The following RANBP2 variants were observed in gnomAD, a reference collection of about 807,000 sequenced individuals.
The protein encoded by RANBP2 is E3 SUMO-protein ligase RanBP2.
In RANBP2, 57 loss-of-function variants were observed where a neutral mutation model predicts 303.6. That is an observed-to-expected ratio of 0.19 (90% CI 0.15 to 0.23). RANBP2 has a LOEUF of 0.23. RANBP2 is among the 10% of genes least tolerant of loss of function. The pLI is 1.00. For synonymous variants in RANBP2, 1,167 were observed against 1,301.5 expected (o/e 0.90, Z 2.23); for missense variants, 3,138 against 3,780.8 (o/e 0.83, Z 4.46).
the RANBP2 span, among the ~76,000 whole-genome samples, chr2:108,806,853 A>G: frequency 1.3e-5 from 2 of 152,230 alleles, no homozygotes; most frequent in African/African-American, 2.4e-5. Context: ...CTGAGGAGGC[A>G]AGGATTAATG....
intron 15 of RANBP2, 132 bp from the exon 16 acceptor site, chr2:108,754,773 T>G: frequency 3.8e-6 from 4 of 1,047,048 alleles, no homozygotes; most frequent in Non-Finnish European, 5.2e-6. Flanking sequence ...CACTTTCACG[T>G]GTATTATTTA....
chr2:108,776,010 C>G, intron 24 of RANBP2, 74 bp downstream of exon 24: 1 of 1,356,752 alleles, frequency 7.4e-7, no homozygotes, highest in Non-Finnish European at 1.0e-6. Flanking sequence ...CTTTTAAAGG[C>G]TGATCCTGAA....
the RANBP2 span, among the ~76,000 whole-genome samples, chr2:109,400,739 C>A: frequency 6.6e-6 from 1 of 152,184 alleles, no homozygotes. Context: ...CTCTCATCGG[C>A]GGCTGAGGCT....
the RANBP2 span, among the ~76,000 whole-genome samples, chr2:109,725,061 C>G: frequency 6.6e-6 from 1 of 152,200 alleles, no homozygotes; most frequent in African/African-American, 2.4e-5. Context: ...CCCTCTGTAA[C>G]TACTTGCTGA....
chr2:109,178,990 A>G, the RANBP2 span, among the ~76,000 whole-genome samples: 1 of 119,198 alleles, frequency 8.4e-6, no homozygotes, highest in Non-Finnish European at 2.0e-5. Context: ...TTTTTTTCTT[A>G]TAAAGTATAA....
chr2:109,391,500 C>T, the RANBP2 span, among the ~76,000 whole-genome samples: 1 of 152,234 alleles, frequency 6.6e-6, no homozygotes, highest in African/African-American at 2.4e-5. Context: ...TCCTGCAGTG[C>T]TCTAGTGTTG....
chr2:108,811,952 A>G, the RANBP2 span, among the ~76,000 whole-genome samples: 1 of 152,150 alleles, frequency 6.6e-6, no homozygotes, highest in East Asian at 1.9e-4. Flanking sequence ...ACATGATTTC[A>G]TTCTTTACTA....
At chr2:109,648,927 T>A in the RANBP2 span, among the ~76,000 whole-genome samples, 1 of 151,940 alleles carries the variant, frequency 6.6e-6, no homozygotes, top group Admixed American at 6.6e-5. Flanking sequence ...GCCGGGAGTG[T>A]GGAGTGCTGG....
the RANBP2 span, among the ~76,000 whole-genome samples, chr2:109,164,687 G>A: frequency 1.3e-5 from 2 of 152,132 alleles, no homozygotes; most frequent in African/African-American, 4.8e-5. Context: ...CAGTTTCCAA[G>A]GTGTAAATAC....
chr2:108,987,454 C>T, the RANBP2 span, among the ~76,000 whole-genome samples: 4 of 152,226 alleles, frequency 2.6e-5, no homozygotes, highest in Non-Finnish European at 4.4e-5. Context: ...TACCATGATG[C>T]CTGAGAAACA....
chr2:108,749,256 G>A (rs1675655431), intron 9 of RANBP2, 127 bp downstream of exon 9: 4 of 1,510,198 alleles, frequency 2.6e-6, no homozygotes, highest in Admixed American at 1.8e-5. Flanking sequence ...TGGGCTGGGG[G>A]GAGTTTGAAT....
At chr2:108,941,206 G>A in the RANBP2 span, among the ~76,000 whole-genome samples, 3 of 152,132 alleles carry the variant, frequency 2.0e-5, no homozygotes, top group African/African-American at 7.2e-5. Context: ...CACTGCATTC[G>A]TAAACCACAA....
chr2:108,842,318 C>T, the RANBP2 span, among the ~76,000 whole-genome samples: 10 of 151,704 alleles, frequency 6.6e-5, no homozygotes, highest in African/African-American at 1.7e-4. Context: ...GAATTACAGA[C>T]GTGAGCCAAC....
the RANBP2 span, among the ~76,000 whole-genome samples, chr2:109,459,508 G>A: frequency 6.6e-6 from 1 of 152,068 alleles, no homozygotes; most frequent in Non-Finnish European, 1.5e-5. Flanking sequence ...CCTCAGTCAC[G>A]GGGCATTGTG....
At chr2:109,137,069 A>G in the RANBP2 span, among the ~76,000 whole-genome samples, 1 of 152,214 alleles carries the variant, frequency 6.6e-6, no homozygotes, top group Non-Finnish European at 1.5e-5. Flanking sequence ...CTCTATTTAT[A>G]ATGAAATGTA....
the RANBP2 span, among the ~76,000 whole-genome samples, chr2:109,145,767 A>AG: frequency 6.6e-6 from 1 of 152,220 alleles, no homozygotes. Flanking sequence ...GCGGGAACCC[A>AG]GGAGCAGTAT....
the RANBP2 span, among the ~76,000 whole-genome samples, chr2:109,349,993 GAGACAGGCCAGTGGAGAATGTGCAGA>G: frequency 6.6e-6 from 1 of 152,222 alleles, no homozygotes; most frequent in Admixed American, 6.5e-5. Context: ...TCAGGTGCGG[GAGACAGGCCAGTGGAGAATGTGCAGA>G]AGACAGGCCA....
At chr2:109,190,733 T>G in the RANBP2 span, among the ~76,000 whole-genome samples, 541 of 152,286 alleles carry the variant, frequency 3.6e-3, 1 homozygote, top group Non-Finnish European at 6.4e-3. Context: ...GGTGTCTCCC[T>G]TCTTTTCCCA....
chr2:109,432,217 TC>T, the RANBP2 span, among the ~76,000 whole-genome samples: 1 of 152,110 alleles, frequency 6.6e-6, no homozygotes, highest in African/African-American at 2.4e-5. Context: ...GGAGCTGCCT[TC>T]CTATCTGTCA....
Sources: allele counts gnomAD v4.1 joint callset (sites outside exome capture counted in the v4.1 genomes callset), GRCh38; gene constraint gnomAD v4.1.1; transcripts MANE v1.5; gene names NCBI Gene and HGNC (gene_info 2026-07-23, HGNC 2026-07-21).